FRMPD4: variants seen among roughly 807,000 people sequenced by gnomAD.
The protein encoded by FRMPD4 is FERM and PDZ domain containing 4, also known as FERM and PDZ domain-containing protein 4.
FRMPD4 carries 22 observed loss-of-function variants against 94.1 expected under a neutral mutation model. The ratio of observed to expected loss-of-function variants is 0.23; its 90% CI spans 0.17 to 0.33. The LOEUF (loss-of-function observed/expected upper bound fraction) is 0.33, where lower values mean the gene tolerates loss of function less well. Among genes scored for constraint, FRMPD4 ranks in the 10% least tolerant of loss-of-function variants. FRMPD4 has a pLI of 1.00. For missense variants in FRMPD4, 1,111 were observed against 1,339.9 expected (o/e 0.83, Z 2.67); for synonymous variants, 631 against 548.6 (o/e 1.15, Z -2.10).
At chrX:12,526,560 T>C (rs1036345361) in intron 2 of FRMPD4, among the ~76,000 whole-genome samples, 1 of 111,921 alleles carries the variant, frequency 8.9e-6, no homozygotes, top group African/African-American at 3.2e-5. Context: ...GTTTCACTCA[T>C]CACACCTCCC....
chrX:12,550,758 C>T (rs1449905329), intron 2 of FRMPD4, among the ~76,000 whole-genome samples: 1 of 110,255 alleles, frequency 9.1e-6, no homozygotes, highest in African/African-American at 3.3e-5. Flanking sequence ...ATACTTGATC[C>T]TCATAAGGCT....
At chrX:12,179,730 C>T (rs754053421) in intron 1 of FRMPD4, among the ~76,000 whole-genome samples, 2 of 111,370 alleles carry the variant, frequency 1.8e-5, no homozygotes, top group Admixed American at 1.9e-4. Context: ...CAGCTTTCAC[C>T]CCTAGTCTTA....
intron 1 of FRMPD4, among the ~76,000 whole-genome samples, chrX:12,380,106 A>T (rs1183136390): frequency 1.8e-5 from 2 of 111,862 alleles, no homozygotes; most frequent in Admixed American, 1.9e-4. Context: ...GTTTGATGAC[A>T]CATTCTTCAA....
chrX:12,643,740 A>G (rs1175357862), intron 4 of FRMPD4, among the ~76,000 whole-genome samples: 1 of 112,217 alleles, frequency 8.9e-6, no homozygotes, highest in Non-Finnish European at 1.9e-5. Context: ...AACTGGAAGT[A>G]GCGGAAATAA....
intron 1 of FRMPD4, among the ~76,000 whole-genome samples, chrX:11,833,798 C>T (rs2053487655): frequency 9.0e-6 from 1 of 111,386 alleles, no homozygotes; most frequent in Non-Finnish European, 1.9e-5. Context: ...GAGCTCTGGC[C>T]AATGGGAATA....
At chrX:12,564,321 C>T (rs1161873797) in intron 2 of FRMPD4, among the ~76,000 whole-genome samples, 1 of 112,262 alleles carries the variant, frequency 8.9e-6, no homozygotes, top group African/African-American at 3.2e-5. Flanking sequence ...ATAGGTATGC[C>T]GCTTTAAACA....
At chrX:12,113,111 C>A (rs1013195779) in intron 3 of FRMPD4, among the ~76,000 whole-genome samples, 6 of 112,010 alleles carry the variant, frequency 5.4e-5, no homozygotes, top group African/African-American at 1.3e-4. Context: ...AAGCCTTGAA[C>A]TACTATGGTC....
chrX:12,631,168 TAGCTGTGCACCCAGGCAGTGCAGGG>T (rs1448319629), intron 4 of FRMPD4, among the ~76,000 whole-genome samples: 9 of 111,681 alleles, frequency 8.1e-5, no homozygotes, highest in African/African-American at 2.9e-4. Context: ...AAGCATGGTG[TAGCTGTGCACCCAGGCAGTGCAGGG>T]AGCAGTTTGG....
intron 3 of FRMPD4, among the ~76,000 whole-genome samples, chrX:11,924,432 G>T (rs2054074553): frequency 9.0e-6 from 1 of 111,469 alleles, no homozygotes; most frequent in African/African-American, 3.3e-5. Flanking sequence ...TCTACAAGAA[G>T]ATCATCCCAA....
intron 3 of FRMPD4, among the ~76,000 whole-genome samples, chrX:12,085,440 G>A (rs1259058113): frequency 9.0e-6 from 1 of 111,571 alleles, no homozygotes; most frequent in African/African-American, 3.3e-5. Context: ...AGGCTGAGGT[G>A]GGTGGGAGGA....
At chrX:12,629,675 T>A (rs1356824526) in intron 4 of FRMPD4, among the ~76,000 whole-genome samples, 1 of 112,424 alleles carries the variant, frequency 8.9e-6, no homozygotes, top group Non-Finnish European at 1.9e-5. Flanking sequence ...TATAGCTGAA[T>A]GATCATGAGC....
chrX:12,482,456 A>G (rs1250077066), intron 1 of FRMPD4, among the ~76,000 whole-genome samples: 1 of 111,639 alleles, frequency 9.0e-6, no homozygotes, highest in African/African-American at 3.3e-5. Context: ...GTGAGTGCCT[A>G]CTGTGCCTCA....
At chrX:11,952,440 C>T (rs183668456) in intron 3 of FRMPD4, among the ~76,000 whole-genome samples, 33 of 112,281 alleles carry the variant, frequency 2.9e-4, no homozygotes, top group Non-Finnish European at 7.5e-5. Context: ...AAGTTTGTCT[C>T]AGATGCTGCA....
chrX:12,708,736 C>T (rs1189669853), intron 13 of FRMPD4, among the ~76,000 whole-genome samples: 1 of 112,066 alleles, frequency 8.9e-6, no homozygotes, highest in African/African-American at 3.2e-5. Flanking sequence ...GCCCTACCTG[C>T]CTCCCCACTA....
At chrX:12,303,453 T>A (rs2054890302) in intron 1 of FRMPD4, among the ~76,000 whole-genome samples, 1 of 111,920 alleles carries the variant, frequency 8.9e-6, no homozygotes, top group African/African-American at 3.2e-5. Context: ...TTAGTCTTTT[T>A]AATTAGGAGA....
At chrX:12,578,628 TACC>T (rs1373055660) in intron 2 of FRMPD4, among the ~76,000 whole-genome samples, 1 of 112,172 alleles carries the variant, frequency 8.9e-6, no homozygotes, top group East Asian at 2.8e-4. Context: ...TTATTATCTA[TACC>T]ACCAGCAAAA....
At chrX:12,546,972 C>T (rs2058483977) in intron 2 of FRMPD4, among the ~76,000 whole-genome samples, 1 of 91,085 alleles carries the variant, frequency 1.1e-5, no homozygotes, top group African/African-American at 4.2e-5. Context: ...GACTGTGCCA[C>T]TGCACTCCAG....
Position 12,039,975 on chromosome X carries a change from AAAAAAAAAAG to A in FRMPD4, c.95+161974_95+161983del, listed in dbSNP as rs1465520679. Among the ~76,000 whole-genome samples the A allele has an allele frequency of 6.6e-5, 7 of 105,771 alleles. No individual in the cohort carries two copies. The East Asian group carries it at 8.6e-4, about 13-fold the overall frequency. 91.8% of individuals were successfully genotyped at this position (105,771 alleles called of 115,157 possible). A position where few individuals can be genotyped will look rare whatever the true frequency, so the allele number is the denominator to read the frequency against. ...CAAGAGCAAAACTTTGTCAAAAAAAAAAAAAAAAAGAAAAAAAAAGAAAAAAGAATGTATT... is the reference window on the plus strand; with the variant it reads ...CAAGAGCAAAACTTTGTCAAAAAAAAAAAAAAAAAGAAAAAAGAATGTATT... On this transcript the variant is annotated intron_variant, in intron 3 of 18. Transcript: ENST00000640291.
intron 2 of FRMPD4, among the ~76,000 whole-genome samples, chrX:12,595,245 G>C (rs1451269679): frequency 1.8e-5 from 2 of 111,807 alleles, no homozygotes; most frequent in African/African-American, 6.5e-5. Flanking sequence ...AGTGAAGATG[G>C]ATGGGGCAAA....
Sources: allele counts gnomAD v4.1 joint callset (sites outside exome capture counted in the v4.1 genomes callset), GRCh38; gene constraint gnomAD v4.1.1; transcripts MANE v1.5; gene names NCBI Gene and HGNC (gene_info 2026-07-23, HGNC 2026-07-21).